The following SESN1 variants were observed in gnomAD, a reference collection of about 807,000 sequenced individuals.
SESN1 encodes the protein sestrin-1.
SESN1 carries 30 observed loss-of-function variants against 59.3 expected under a neutral mutation model. The observed-to-expected ratio is 0.51, with a 90% CI of 0.38 to 0.69. The LOEUF (loss-of-function observed/expected upper bound fraction) is 0.69. Among genes scored for constraint, SESN1 ranks in the 30% least tolerant of loss-of-function variants. The pLI, the probability that SESN1 is intolerant of heterozygous loss-of-function variation, is 0.00. For missense variants in SESN1, 566 were observed against 673.0 expected (o/e 0.84, Z 1.76); for synonymous variants, 197 against 219.9 (o/e 0.90, Z 0.92).
At chr6:109,086,855 C>G (rs1367311098) in intron 1 of SESN1, among the ~76,000 whole-genome samples, 1 of 152,126 alleles carries the variant, frequency 6.6e-6, no homozygotes, top group South Asian at 2.1e-4. Flanking sequence ...GAAATCAGGC[C>G]GGGCACTGTG....
At chr6:109,000,371 A>C in intron 4 of SESN1, 120 bp downstream of exon 4, 13 of 660,112 alleles carry the variant, frequency 2.0e-5, no homozygotes, top group East Asian at 2.9e-5. Context: ...ATCTGTGGGA[A>C]GAGATTCAGG....
In SESN1 at chr6:108,998,939, AC is replaced by A; in HGVS notation, c.730-185del. 4 of 542,304 alleles carry A rather than the reference AC, an allele frequency of 7.4e-6. No homozygotes were observed. In the South Asian group the frequency reaches 1.1e-4, roughly 14 times the overall value. 33.6% of individuals were successfully genotyped at this position (542,304 alleles called of 1,614,324 possible). Reference sequence around the variant, plus strand: ...TTATGAATATGCATTCACAAATAGAACTTAACATAATCTGTTAAGACATTCA... The same window carrying A: ...TTATGAATATGCATTCACAAATAGAATTAACATAATCTGTTAAGACATTCA... On this transcript the variant is annotated intron_variant, in intron 4 of 9. Transcript: ENST00000436639.
chr6:109,030,168 A>AG (rs1439692112), intron 1 of SESN1, among the ~76,000 whole-genome samples: 2 of 152,220 alleles, frequency 1.3e-5, no homozygotes, highest in African/African-American at 4.8e-5. Context: ...CAAGATCCCT[A>AG]GCTCTGAACC....
At chr6:109,053,046 ATGTG>A (rs148045407) in intron 1 of SESN1, among the ~76,000 whole-genome samples, 67 of 147,406 alleles carry the variant, frequency 4.5e-4, no homozygotes, top group Admixed American at 1.1e-3. Context: ...CAAGACTAGG[ATGTG>A]TGTGTGTGTG....
intron 1 of SESN1, among the ~76,000 whole-genome samples, chr6:109,079,363 T>C (rs1269324765): frequency 1.3e-5 from 2 of 152,206 alleles, no homozygotes; most frequent in Non-Finnish European, 2.9e-5. Context: ...GTATAACAGT[T>C]AGACTTTCCA....
At chr6:108,993,026 C>CTTACAAT (rs1261480594) in intron 6 of SESN1, 127 bp from the exon 7 acceptor site, 1 of 615,620 alleles carries the variant, frequency 1.6e-6, no homozygotes, top group African/African-American at 1.9e-5. Context: ...CCAAAGTAGT[C>CTTACAAT]TTACAATTAT....
chr6:109,051,535 T>C (rs1362376088), intron 1 of SESN1, among the ~76,000 whole-genome samples: 2 of 152,178 alleles, frequency 1.3e-5, no homozygotes, highest in Non-Finnish European at 2.9e-5. Flanking sequence ...AGGTCAAAGA[T>C]GGGGTTCTAA....
chr6:109,074,644 CTT>C (rs1388985095), intron 1 of SESN1, among the ~76,000 whole-genome samples: 1 of 152,200 alleles, frequency 6.6e-6, no homozygotes, highest in Non-Finnish European at 1.5e-5. Flanking sequence ...ACCAACTTGA[CTT>C]TGGGTGATCT....
chr6:108,990,942 A>G (rs570601002), intron 7 of SESN1, 107 bp from the exon 8 acceptor site: 3 of 955,768 alleles, frequency 3.1e-6, no homozygotes, highest in Admixed American at 2.9e-5. Context: ...TGACAATCCA[A>G]CTGGCTTTTA....
rs1779177671 is a variant in SESN1, at chr6:108,986,072, C to CT, written c.*1471_*1472insA. ...AATAAATGTTTTGAGGAGTAACTAA[C>CT]AGAGTTATCATCACAACAGCTTCAG... On this transcript the variant is annotated 3_prime_UTR_variant, in exon 10 of 10. Transcript: ENST00000436639. 6.7e-6 allele frequency among the ~76,000 whole-genome samples: 1 copy of CT among 149,884 alleles called. No individual in the cohort carries two copies. The highest frequency in any genetic ancestry group is 2.4e-5 in the African/African-American group (1 of 41,158).
chr6:109,036,711 G>C (rs1292762559), intron 1 of SESN1, among the ~76,000 whole-genome samples: 1 of 152,128 alleles, frequency 6.6e-6, no homozygotes, highest in Non-Finnish European at 1.5e-5. Flanking sequence ...TTAAGCCTAA[G>C]CTAAATACCT....
At chr6:109,053,903 C>A (rs1358285034) in intron 1 of SESN1, among the ~76,000 whole-genome samples, 1 of 152,116 alleles carries the variant, frequency 6.6e-6, no homozygotes, top group East Asian at 1.9e-4. Context: ...CAAATGTAGA[C>A]AAATTTAACA....
chr6:109,057,447 C>T (rs1780649846), intron 1 of SESN1, among the ~76,000 whole-genome samples: 1 of 152,098 alleles, frequency 6.6e-6, no homozygotes, highest in South Asian at 2.1e-4. Flanking sequence ...GGAGGCAGAC[C>T]CCTATCTGTT....
chr6:109,035,455 G>A lies in SESN1; in HGVS notation c.280-33112C>T, dbSNP rs774215870. ...GGTCGGGAGAAAGCTGACATATGGA[G>A]TAGGTAGGAAGAACCTTAGTACTGG... On this transcript the variant is annotated intron_variant, in intron 1 of 9. Transcript: ENST00000436639. 5.0e-4 allele frequency among the ~76,000 whole-genome samples: 76 copies of A among 152,008 alleles called. 1 individual carries two copies. The highest frequency in any genetic ancestry group is 4.3e-4 in the Non-Finnish European group (29 of 68,008).
At chr6:109,043,495 T>C (rs9688896) in intron 1 of SESN1, among the ~76,000 whole-genome samples, 15,219 of 152,136 alleles carry the variant, frequency 0.1, 930 homozygotes, top group Middle Eastern at 0.19. Flanking sequence ...AAACAACGAA[T>C]TCCTAGAACT....
chr6:109,043,947 G>A (rs1484836379), intron 1 of SESN1, among the ~76,000 whole-genome samples: 1 of 152,066 alleles, frequency 6.6e-6, no homozygotes, highest in Non-Finnish European at 1.5e-5. Flanking sequence ...TTGGTGAAAG[G>A]ACAGATACAC....
chr6:109,076,566 C>T (rs570832047), intron 1 of SESN1, among the ~76,000 whole-genome samples: 1 of 152,100 alleles, frequency 6.6e-6, no homozygotes, highest in East Asian at 1.9e-4. Flanking sequence ...CATGTTCATA[C>T]AGGCACTGAC....
At chr6:109,019,750 A>G (rs1026895013) in intron 1 of SESN1, among the ~76,000 whole-genome samples, 2 of 152,240 alleles carry the variant, frequency 1.3e-5, no homozygotes, top group Non-Finnish European at 2.9e-5. Context: ...TGATATCCAG[A>G]TAATTTTTAG....
intron 1 of SESN1, among the ~76,000 whole-genome samples, chr6:109,016,011 A>T (rs1182818293): frequency 6.6e-6 from 1 of 152,210 alleles, no homozygotes; most frequent in East Asian, 1.9e-4. Context: ...AAAATTATCC[A>T]TTCAAAATAG....
Sources: gnomAD v4.1 joint callset for allele counts (sites outside exome capture counted in the v4.1 genomes callset) on GRCh38, gnomAD v4.1.1 for gene constraint, MANE v1.5 for transcripts, NCBI Gene and HGNC (gene_info 2026-07-23, HGNC 2026-07-21) for gene names.